NBEA: variants seen among roughly 807,000 people sequenced by gnomAD.
NBEA encodes neurobeachin.
In NBEA, 44 loss-of-function variants were observed where a neutral mutation model predicts 343.4. That is an observed-to-expected ratio of 0.13 (90% CI 0.10 to 0.16). The LOEUF (loss-of-function observed/expected upper bound fraction) is 0.16, where lower values mean the gene tolerates loss of function less well. NBEA is among the 10% of genes least tolerant of loss of function. The pLI, the probability that NBEA is intolerant of heterozygous loss-of-function variation, is 1.00. For missense variants in NBEA, 2,555 were observed against 3,631.3 expected, an observed-to-expected ratio of 0.70 and a Z score of 7.62; for synonymous variants, 1,175 against 1,238.7, an observed-to-expected ratio of 0.95 and a Z score of 1.08.
intron 34 of NBEA, among the ~76,000 whole-genome samples, chr13:35,246,910 G>C (rs1342250389): frequency 3.3e-5 from 5 of 152,152 alleles, no homozygotes; most frequent in Non-Finnish European, 5.9e-5. Flanking sequence ...GGACCATCAG[G>C]TGGGGGCAGG....
chr13:35,142,401 A>G, intron 18 of NBEA, 24 bp downstream of exon 18: 1 of 1,568,288 alleles, frequency 6.4e-7, no homozygotes, highest in Non-Finnish European at 8.8e-7. Context: ...ATGTGTGATG[A>G]AAGTTTTAAG....
intron 8 of NBEA, among the ~76,000 whole-genome samples, chr13:35,063,145 A>C (rs2063524246): frequency 6.6e-6 from 1 of 152,008 alleles, no homozygotes; most frequent in Non-Finnish European, 1.5e-5. Flanking sequence ...TAGCTACTAC[A>C]GATAAGGTAC....
At chr13:35,421,470 A>T (rs2044266623) in intron 38 of NBEA, among the ~76,000 whole-genome samples, 1 of 152,030 alleles carries the variant, frequency 6.6e-6, no homozygotes, top group African/African-American at 2.4e-5. Context: ...GCCTTCCCCC[A>T]TTTATAATAT....
At chr13:35,441,065 G>A (rs562083206) in intron 39 of NBEA, among the ~76,000 whole-genome samples, 2 of 152,118 alleles carry the variant, frequency 1.3e-5, no homozygotes, top group African/African-American at 4.8e-5. Flanking sequence ...CATCACTTAT[G>A]TATTTCATTT....
chr13:35,661,223 C>T (rs971451764), intron 55 of NBEA, among the ~76,000 whole-genome samples: 7 of 152,118 alleles, frequency 4.6e-5, no homozygotes, highest in Non-Finnish European at 8.8e-5. Flanking sequence ...CTGGGCTTTA[C>T]GCAGAGCCCA....
At chr13:35,306,596 C>G (rs1470259268) in intron 35 of NBEA, among the ~76,000 whole-genome samples, 1 of 152,000 alleles carries the variant, frequency 6.6e-6, no homozygotes, top group Non-Finnish European at 1.5e-5. Flanking sequence ...CAACCCCCAC[C>G]TCCATTATCC....
chr13:35,497,844 A>T (rs1024007206), intron 41 of NBEA, among the ~76,000 whole-genome samples: 4 of 152,032 alleles, frequency 2.6e-5, no homozygotes, highest in African/African-American at 9.7e-5. Flanking sequence ...GCTTAAAGAG[A>T]GTCTATTTAG....
rs1002614203 is a variant in NBEA, at chr13:35,607,748, T to A, written c.7449+1170T>A. ...ATTCATATCCTGTGCAAATTGTTCATCATTTAAAGTAAAAAAAAAATGAAT... is the reference window on the plus strand; with the variant it reads ...ATTCATATCCTGTGCAAATTGTTCAACATTTAAAGTAAAAAAAAAATGAAT... On this transcript the variant is annotated intron_variant, in intron 48 of 58. Transcript: ENST00000379939. Among the ~76,000 whole-genome samples, 5 of 144,502 alleles carry A rather than the reference T, an allele frequency of 3.5e-5. No homozygotes were observed. In the South Asian group the frequency reaches 1.1e-3, roughly 33 times the overall value. 94.8% of individuals were successfully genotyped at this position (144,502 alleles called of 152,430 possible).
chr13:35,114,165 T>C (rs1272968142), intron 13 of NBEA, among the ~76,000 whole-genome samples: 2 of 152,240 alleles, frequency 1.3e-5, no homozygotes, highest in East Asian at 3.9e-4. Flanking sequence ...CTACGTACTT[T>C]TAGTGGACAG....
At chr13:35,393,784 A>G (rs557856001) in intron 38 of NBEA, among the ~76,000 whole-genome samples, 18 of 152,256 alleles carry the variant, frequency 1.2e-4, no homozygotes, top group African/African-American at 3.4e-4. Flanking sequence ...TACATTGTCT[A>G]TCTTTGCTGT....
intron 6 of NBEA, among the ~76,000 whole-genome samples, chr13:35,051,246 A>G (rs1353487954): frequency 6.6e-6 from 1 of 151,962 alleles, no homozygotes; most frequent in African/African-American, 2.4e-5. Context: ...GAGATTATCA[A>G]CGTTTTTTAG....
intron 10 of NBEA, among the ~76,000 whole-genome samples, chr13:35,083,252 A>G (rs536927128): frequency 3.3e-5 from 5 of 151,836 alleles, no homozygotes; most frequent in South Asian, 4.2e-4. Flanking sequence ...ATTTCTGAGG[A>G]CTCTGTTCTG....
intron 41 of NBEA, among the ~76,000 whole-genome samples, chr13:35,545,301 C>CA (rs2079013710): frequency 1.3e-5 from 2 of 152,124 alleles, no homozygotes; most frequent in Non-Finnish European, 2.9e-5. Context: ...GAAGCAGCAT[C>CA]CCCTCCGGTC....
intron 10 of NBEA, among the ~76,000 whole-genome samples, chr13:35,095,374 G>T (rs2065281433): frequency 6.6e-6 from 1 of 151,032 alleles, no homozygotes; most frequent in South Asian, 2.1e-4. Context: ...AATATTCTCA[G>T]GTATTTGTGG....
At chr13:35,207,933 T>C (rs575649085) in intron 31 of NBEA, among the ~76,000 whole-genome samples, 2 of 152,130 alleles carry the variant, frequency 1.3e-5, no homozygotes, top group Non-Finnish European at 2.9e-5. Context: ...GAATTTGGCA[T>C]TTAAAGTCTG....
intron 36 of NBEA, among the ~76,000 whole-genome samples, chr13:35,339,217 T>C (rs536366551): frequency 1.6e-4 from 24 of 152,050 alleles, no homozygotes; most frequent in African/African-American, 5.8e-4. Flanking sequence ...AACTCTCTAT[T>C]TGTAGAAGGT....
intron 28 of NBEA, chr13:35,179,858 T>C: frequency 1.2e-6 from 1 of 860,864 alleles, no homozygotes; most frequent in Non-Finnish European, 1.4e-6. Context: ...TGCTTAGGCA[T>C]TTGATTTCTT....
chr13:35,434,331 T>C (rs1306419714), intron 39 of NBEA, among the ~76,000 whole-genome samples: 1 of 152,186 alleles, frequency 6.6e-6, no homozygotes, highest in African/African-American at 2.4e-5. Flanking sequence ...CTAAATATTC[T>C]TTATATGTAC....
At chr13:35,006,231 CT>C (rs1472517410) in intron 1 of NBEA, among the ~76,000 whole-genome samples, 1 of 151,614 alleles carries the variant, frequency 6.6e-6, no homozygotes, top group African/African-American at 2.4e-5. Context: ...ATGTACATGT[CT>C]TTTATTTTTA....
Sources: gnomAD v4.1 joint callset for allele counts (sites outside exome capture counted in the v4.1 genomes callset) on GRCh38, gnomAD v4.1.1 for gene constraint, MANE v1.5 for transcripts, NCBI Gene and HGNC (gene_info 2026-07-23, HGNC 2026-07-21) for gene names.